Variants in EDIL3 observed in about 807,000 individuals in gnomAD.
EDIL3 encodes EGF like and discoidin domains 3, also known as EGF-like repeat and discoidin I-like domain-containing protein 3.
EDIL3 carries 37 observed loss-of-function variants against 67.4 expected under a neutral mutation model. That is an observed-to-expected ratio of 0.55 (90% confidence interval 0.42 to 0.72). The LOEUF is 0.72. Among genes scored for constraint, EDIL3 ranks in the 30% least tolerant of loss-of-function variants. The pLI, the probability that EDIL3 is intolerant of heterozygous loss-of-function variation, is 0.00. For synonymous variants in EDIL3, 195 were observed against 196.3 expected (o/e 0.99, Z 0.05); for missense variants, 527 against 586.3 (o/e 0.90, Z 1.04).
intron 1 of EDIL3, among the ~76,000 whole-genome samples, chr5:84,262,420 G>A (rs1031397178): frequency 2.6e-5 from 4 of 152,064 alleles, no homozygotes; most frequent in Admixed American, 6.6e-5. Flanking sequence ...AATGAGGAAG[G>A]TATTTATGTG....
intron 3 of EDIL3, among the ~76,000 whole-genome samples, chr5:84,196,611 T>C (rs1743712070): frequency 6.6e-6 from 1 of 152,016 alleles, no homozygotes. Flanking sequence ...TTTGTTTTGT[T>C]CACTGATATA....
intron 6 of EDIL3, among the ~76,000 whole-genome samples, chr5:84,095,397 T>C (rs1439987351): frequency 1.3e-5 from 2 of 152,124 alleles, no homozygotes; most frequent in Non-Finnish European, 2.9e-5. Flanking sequence ...TAGAGAATGG[T>C]TGAATGGCTT....
intron 3 of EDIL3, among the ~76,000 whole-genome samples, chr5:84,206,103 G>A (rs1406935789): frequency 4.7e-5 from 7 of 150,526 alleles, no homozygotes; most frequent in Admixed American, 1.3e-4. Flanking sequence ...AGAGATTCTG[G>A]TATGTTGTGT....
chr5:84,161,557 G>A (rs1438578138), intron 4 of EDIL3, among the ~76,000 whole-genome samples: 1 of 151,814 alleles, frequency 6.6e-6, no homozygotes, highest in Non-Finnish European at 1.5e-5. Flanking sequence ...ATCAAATCTT[G>A]AGGAAGCTGC....
intron 5 of EDIL3, among the ~76,000 whole-genome samples, chr5:84,129,836 G>T (rs1030321809): frequency 2.0e-5 from 3 of 151,928 alleles, no homozygotes; most frequent in African/African-American, 7.3e-5. Flanking sequence ...ACATGGTTTG[G>T]CATGGACAGA....
Position 84,083,812 on chromosome 5 carries a change from G to T in EDIL3, c.652-17206C>A, listed in dbSNP as rs111960347. On this transcript the variant is annotated intron_variant, in intron 6 of 10. Transcript: ENST00000296591. ...ATATAGAAGAAAGATGAGTAACAAA[G>T]AACTAAATGATTTTTCAATTCACAC... is the stretch of plus-strand genomic sequence containing the variant. Among the ~76,000 whole-genome samples, 394 of 152,194 alleles carry T rather than the reference G, an allele frequency of 2.6e-3. 3 individuals are homozygous for T. The highest frequency in any genetic ancestry group is 8.5e-3 in the African/African-American group (352 of 41,544).
At chr5:84,213,171 A>G (rs1175098835) in intron 3 of EDIL3, among the ~76,000 whole-genome samples, 2 of 139,440 alleles carry the variant, frequency 1.4e-5, no homozygotes, top group Non-Finnish European at 3.1e-5. Context: ...GGAACTTAAC[A>G]TTGATCAGTA....
intron 1 of EDIL3, among the ~76,000 whole-genome samples, chr5:84,377,762 A>T (rs540401988): frequency 6.6e-6 from 1 of 152,346 alleles, no homozygotes; most frequent in South Asian, 2.1e-4. Flanking sequence ...ATTTTAAGAG[A>T]TCAATCATTT....
rs12655149 is a variant in EDIL3 at position 84,050,015 on chromosome 5, C to T, written c.1137+10285G>A. ...GAGATCGAGACCATCCTGGCTAACA[C>T]GGTGAAACCCCGTCTCTACTAAAAA... On this transcript the variant is annotated intron_variant, in intron 9 of 10. Transcript: ENST00000296591. Among the ~76,000 whole-genome samples, 97 of 151,656 alleles carry T rather than the reference C, an allele frequency of 6.4e-4. No homozygotes were observed. The East Asian group carries it at 0.013, about 21-fold the overall frequency.
intron 1 of EDIL3, among the ~76,000 whole-genome samples, chr5:84,266,355 G>A (rs1448258758): frequency 2.0e-5 from 3 of 152,102 alleles, no homozygotes; most frequent in Non-Finnish European, 4.4e-5. Context: ...AAAGAGGAGG[G>A]CTTTATGCAG....
intron 10 of EDIL3, among the ~76,000 whole-genome samples, chr5:83,943,912 A>G (rs954684312): frequency 6.6e-6 from 1 of 151,996 alleles, no homozygotes; most frequent in East Asian, 1.9e-4. Flanking sequence ...GCTCTCTTCC[A>G]CGGGGTGACT....
At chr5:84,181,099 C>T (rs1427465270) in intron 3 of EDIL3, 5 of 152,154 alleles carry the variant, frequency 3.3e-5, no homozygotes, top group Non-Finnish European at 7.3e-5. Flanking sequence ...TGGAGCATAC[C>T]TCTGGGGAAG....
chr5:84,069,291 G>A (rs1746694019), intron 6 of EDIL3, among the ~76,000 whole-genome samples: 1 of 152,114 alleles, frequency 6.6e-6, no homozygotes, highest in African/African-American at 2.4e-5. Context: ...TAAATAGAAT[G>A]ATAATCTGAA....
At chr5:84,141,788 T>C (rs1483767311) in intron 4 of EDIL3, among the ~76,000 whole-genome samples, 1 of 149,284 alleles carries the variant, frequency 6.7e-6, no homozygotes, top group Non-Finnish European at 1.5e-5. Flanking sequence ...TAACCCACAT[T>C]ACAGATTTGT....
chr5:84,039,576 C>A (rs1023224484), intron 9 of EDIL3, among the ~76,000 whole-genome samples: 1 of 151,884 alleles, frequency 6.6e-6, no homozygotes, highest in African/African-American at 2.4e-5. Context: ...ATCTATTGAC[C>A]GAAAATCATC....
intron 5 of EDIL3, among the ~76,000 whole-genome samples, chr5:84,132,519 T>A (rs1294641562): frequency 5.8e-4 from 14 of 24,018 alleles, no homozygotes; most frequent in Non-Finnish European, 1.1e-3. Flanking sequence ...ATATATATTT[T>A]AATATATATT....
At chr5:84,249,801 T>C (rs983612556) in intron 2 of EDIL3, among the ~76,000 whole-genome samples, 8 of 152,146 alleles carry the variant, frequency 5.3e-5, no homozygotes, top group Non-Finnish European at 1.0e-4. Flanking sequence ...AACTGTATAA[T>C]ATATACTGAT....
At chr5:84,009,703 C>A (rs905511903) in intron 9 of EDIL3, among the ~76,000 whole-genome samples, 1 of 152,116 alleles carries the variant, frequency 6.6e-6, no homozygotes, top group Non-Finnish European at 1.5e-5. Context: ...TCACACTGAG[C>A]CTTTATAATG....
At chr5:84,300,839 A>T (rs887473932) in intron 1 of EDIL3, among the ~76,000 whole-genome samples, 28 of 152,174 alleles carry the variant, frequency 1.8e-4, no homozygotes, top group Non-Finnish European at 3.7e-4. Flanking sequence ...AGATTGCAAT[A>T]TTTGTATACC....
Sources: gnomAD v4.1 joint callset for allele counts (sites outside exome capture counted in the v4.1 genomes callset) on GRCh38, gnomAD v4.1.1 for gene constraint, MANE v1.5 for transcripts, NCBI Gene and HGNC (gene_info 2026-07-23, HGNC 2026-07-21) for gene names.